The following ROBO1 variants were observed in gnomAD, a reference collection of about 807,000 sequenced individuals.
ROBO1 encodes the protein roundabout guidance receptor 1, also known as roundabout homolog 1.
Under a neutral mutation model 195.9 loss-of-function variants are expected in ROBO1, and 149 were observed. The observed-to-expected ratio is 0.76, with a 90% CI of 0.67 to 0.87. The LOEUF (loss-of-function observed/expected upper bound fraction) is 0.87. Among genes scored for constraint, ROBO1 ranks in the 40% least tolerant of loss-of-function variants. ROBO1 has a pLI of 0.00. For synonymous variants in ROBO1, 816 were observed against 733.2 expected (o/e 1.11, Z -1.82); for missense variants, 1,933 against 2,068.3 (o/e 0.93, Z 1.27).
chr3:79,366,968 T>A (rs2109323660), intron 2 of ROBO1, among the ~76,000 whole-genome samples: 1 of 152,296 alleles, frequency 6.6e-6, no homozygotes, highest in South Asian at 2.1e-4. Context: ...GAAACAGAAA[T>A]GGTGAGGCAC....
intron 2 of ROBO1, among the ~76,000 whole-genome samples, chr3:79,300,320 G>C (rs575163711): frequency 4.6e-5 from 7 of 152,308 alleles, no homozygotes; most frequent in African/African-American, 1.4e-4. Context: ...GGAGCAGCCC[G>C]CCGGCCCTGC....
intron 4 of ROBO1, among the ~76,000 whole-genome samples, chr3:78,791,222 C>CA (rs954665663): frequency 6.6e-6 from 1 of 152,012 alleles, no homozygotes; most frequent in African/African-American, 2.4e-5. Context: ...GTGTTGTTGT[C>CA]ATAGGTACAC....
At chr3:79,649,150 A>G (rs779427182) in intron 1 of ROBO1, among the ~76,000 whole-genome samples, 4 of 152,040 alleles carry the variant, frequency 2.6e-5, no homozygotes, top group Non-Finnish European at 4.4e-5. Context: ...ATTTTTTTAA[A>G]GCCCTATAAA....
At chr3:78,902,800 T>C (rs329817) in intron 4 of ROBO1, among the ~76,000 whole-genome samples, 66,263 of 151,970 alleles carry the variant, frequency 0.44, 16,523 homozygotes, top group African/African-American at 0.7. Flanking sequence ...GCCCAGATCG[T>C]GCCATTGCAC....
At chr3:78,869,226 T>G (rs1042903734) in intron 4 of ROBO1, among the ~76,000 whole-genome samples, 2 of 152,166 alleles carry the variant, frequency 1.3e-5, no homozygotes, top group South Asian at 4.1e-4. Flanking sequence ...TTCATCTGCC[T>G]CTTTAACTGA....
chr3:79,110,191 C>T (rs1277448559), intron 3 of ROBO1, among the ~76,000 whole-genome samples: 1 of 151,960 alleles, frequency 6.6e-6, no homozygotes, highest in African/African-American at 2.4e-5. Context: ...GTGCTGTGTG[C>T]CCACTAAATG....
intron 3 of ROBO1, among the ~76,000 whole-genome samples, chr3:79,102,941 C>T (rs956879031): frequency 4.6e-5 from 7 of 151,300 alleles, no homozygotes; most frequent in African/African-American, 1.7e-4. Flanking sequence ...TCCTAGTGGC[C>T]TGGGATAAAA....
intron 2 of ROBO1, among the ~76,000 whole-genome samples, chr3:79,328,640 A>G (rs1285351593): frequency 1.3e-5 from 2 of 152,132 alleles, no homozygotes; most frequent in Non-Finnish European, 2.9e-5. Context: ...AAAAAATTTC[A>G]ATAGTTTTGG....
intron 2 of ROBO1, among the ~76,000 whole-genome samples, chr3:79,516,541 T>G (rs1940952413): frequency 6.6e-6 from 1 of 152,184 alleles, no homozygotes; most frequent in African/African-American, 2.4e-5. Flanking sequence ...ACTTTTTAAC[T>G]TTGCCATAGT....
chr3:79,616,261 G>A (rs1465005729), intron 1 of ROBO1, among the ~76,000 whole-genome samples: 1 of 152,148 alleles, frequency 6.6e-6, no homozygotes, highest in Non-Finnish European at 1.5e-5. Context: ...CCATTAACAT[G>A]CCAAGAGAAT....
intron 3 of ROBO1, among the ~76,000 whole-genome samples, chr3:78,961,129 A>T (rs982763667): frequency 6.6e-6 from 1 of 152,200 alleles, no homozygotes; most frequent in Non-Finnish European, 1.5e-5. Context: ...ACCACTATAC[A>T]TATACTGGCA....
intron 3 of ROBO1, among the ~76,000 whole-genome samples, chr3:79,061,638 G>A (rs1212738451): frequency 1.3e-5 from 2 of 152,058 alleles, no homozygotes; most frequent in Non-Finnish European, 2.9e-5. Flanking sequence ...GCATGGTACT[G>A]GTACCAAAAC....
chr3:78,706,769 A>G (rs2081562147), intron 8 of ROBO1, among the ~76,000 whole-genome samples: 1 of 152,160 alleles, frequency 6.6e-6, no homozygotes. Context: ...CAATGATAAG[A>G]AGGCAAGGGA....
chr3:79,257,355 G>A (rs1484564653), intron 2 of ROBO1, among the ~76,000 whole-genome samples: 2 of 152,134 alleles, frequency 1.3e-5, no homozygotes, highest in South Asian at 4.1e-4. Flanking sequence ...AAAATATCAA[G>A]TGGAACTCGA....
chr3:79,162,057 T>G (rs1208251031), intron 2 of ROBO1, among the ~76,000 whole-genome samples: 1 of 152,262 alleles, frequency 6.6e-6, no homozygotes. Flanking sequence ...CATTTTTTTT[T>G]CTACTGTTTT....
intron 2 of ROBO1, among the ~76,000 whole-genome samples, chr3:79,429,207 C>T (rs1389944724): frequency 1.3e-5 from 2 of 152,120 alleles, no homozygotes; most frequent in African/African-American, 4.8e-5. Flanking sequence ...AAGTTACCCT[C>T]CAAGGGCCAT....
chr3:79,559,977 A>G (rs1942848803), intron 2 of ROBO1, among the ~76,000 whole-genome samples: 1 of 152,142 alleles, frequency 6.6e-6, no homozygotes. Context: ...GTACCCTAAT[A>G]TTAATGTTTT....
intron 3 of ROBO1, among the ~76,000 whole-genome samples, chr3:79,028,912 T>G (rs960596293): frequency 6.6e-6 from 1 of 152,112 alleles, no homozygotes; most frequent in Non-Finnish European, 1.5e-5. Context: ...AGTAAACTCT[T>G]TTCTTTTAGT....
At chr3:79,233,399 A>C (rs1310684110) in intron 2 of ROBO1, among the ~76,000 whole-genome samples, 1 of 152,154 alleles carries the variant, frequency 6.6e-6, no homozygotes, top group Non-Finnish European at 1.5e-5. Context: ...AATAGTAATA[A>C]TGTACATTCA....
Sources: allele counts gnomAD v4.1 joint callset (sites outside exome capture counted in the v4.1 genomes callset), GRCh38; gene constraint gnomAD v4.1.1; transcripts MANE v1.5; gene names NCBI Gene and HGNC (gene_info 2026-07-23, HGNC 2026-07-21).